Variants in PFDN4 observed in about 807,000 individuals in gnomAD.
The protein encoded by PFDN4 is prefoldin subunit 4.
In PFDN4, 6 loss-of-function variants were observed where a neutral mutation model predicts 17.6. The ratio of observed to expected loss-of-function variants is 0.34; its 90% CI spans 0.19 to 0.67. PFDN4 has a LOEUF of 0.67. Among genes scored for constraint, PFDN4 ranks in the 30% least tolerant of loss-of-function variants. The pLI is 0.68. For synonymous variants in PFDN4, 48 were observed against 51.1 expected, an observed-to-expected ratio of 0.94 and a Z score of 0.26; for missense variants, 119 against 158.4, an observed-to-expected ratio of 0.75 and a Z score of 1.33.
chr20:54,208,585 G>A (rs2092751375), intron 1 of PFDN4: 1 of 158,682 alleles, frequency 6.3e-6, no homozygotes, highest in African/African-American at 2.4e-5. Context: ...CCAGAGATGG[G>A]GAGTCACCTG....
chr20:54,210,505 A>G (rs1247199557), intron 1 of PFDN4, among the ~76,000 whole-genome samples: 1 of 152,222 alleles, frequency 6.6e-6, no homozygotes, highest in African/African-American at 2.4e-5. Context: ...CGTATCTCTC[A>G]ACTGGTCATG....
chr20:54,209,187 C>G (rs2092752471), intron 1 of PFDN4, among the ~76,000 whole-genome samples: 1 of 152,140 alleles, frequency 6.6e-6, no homozygotes, highest in Admixed American at 6.5e-5. Context: ...AATGAGAAAA[C>G]AGGCGCGGAG....
chr20:54,211,987 G>T (rs1428019475), intron 1 of PFDN4, among the ~76,000 whole-genome samples: 1 of 152,126 alleles, frequency 6.6e-6, no homozygotes, highest in Non-Finnish European at 1.5e-5. Flanking sequence ...GAGGTTAGGA[G>T]TTCAAGACCA....
At chr20:54,208,242 G>T in intron 1 of PFDN4, 118 bp downstream of exon 1, 1 of 924,036 alleles carries the variant, frequency 1.1e-6, no homozygotes, top group South Asian at 1.9e-5. Context: ...ACCCGAGGCC[G>T]AGGCCGAGGC....
intron 3 of PFDN4, among the ~76,000 whole-genome samples, chr20:54,215,716 A>C (rs1250388457): frequency 1.3e-5 from 2 of 152,268 alleles, no homozygotes; most frequent in African/African-American, 4.8e-5. Flanking sequence ...AACCTTGCTC[A>C]AAACTAAAAG....
intron 3 of PFDN4, among the ~76,000 whole-genome samples, chr20:54,217,287 G>C (rs892025271): frequency 6.6e-6 from 1 of 152,030 alleles, no homozygotes; most frequent in African/African-American, 2.4e-5. Flanking sequence ...AAGGGGCGGC[G>C]GGGGGCGGGG....
At chr20:54,213,990 A>G (rs765390228) in intron 1 of PFDN4, among the ~76,000 whole-genome samples, 7 of 152,074 alleles carry the variant, frequency 4.6e-5, no homozygotes, top group Non-Finnish European at 1.0e-4. Context: ...ATATTTGACC[A>G]TGTAACTTTT....
chr20:54,209,981 C>G (rs188982924), intron 1 of PFDN4, among the ~76,000 whole-genome samples: 243 of 152,214 alleles, frequency 1.6e-3, no homozygotes, highest in Non-Finnish European at 2.8e-3. Context: ...AGGAAAAGTG[C>G]TTATGAAATG....
rs532788572 is a variant in PFDN4, at chr20:54,208,130, T to A, written c.24+6T>A. The A allele has an allele frequency of 3.2e-6, 5 of 1,554,398 alleles. No individual in the cohort carries two copies. On this transcript the variant is annotated splice_donor_region_variant and intron_variant, in intron 1 of 3. Coordinates refer to ENST00000371419, the MANE Select transcript of PFDN4 (RefSeq NM_002623.4). ...CGGCCACCATGAAGAAGGCGGTGAGTGGGGAGCTCGGGGCTCTGGATGCTC... is the reference window on the plus strand; with the variant it reads ...CGGCCACCATGAAGAAGGCGGTGAGAGGGGAGCTCGGGGCTCTGGATGCTC...
At chr20:54,216,802 G>A (rs111713964) in intron 3 of PFDN4, among the ~76,000 whole-genome samples, 1 of 151,922 alleles carries the variant, frequency 6.6e-6, no homozygotes, top group Non-Finnish European at 1.5e-5. Flanking sequence ...GATTACAGGC[G>A]CCCACCACCA....
At chr20:54,217,854 T>C (rs746168955) in intron 3 of PFDN4, among the ~76,000 whole-genome samples, 3 of 152,214 alleles carry the variant, frequency 2.0e-5, no homozygotes, top group Admixed American at 2.0e-4. Context: ...AAACTTAGCA[T>C]GCGTGAGAAT....
chr20:54,216,506 T>A (rs2092762646), intron 3 of PFDN4, among the ~76,000 whole-genome samples: 1 of 152,168 alleles, frequency 6.6e-6, no homozygotes, highest in Non-Finnish European at 1.5e-5. Context: ...TGGTCAAATT[T>A]TGTGATTTTT....
rs544822970 is a variant in PFDN4, at chr20:54,212,183, ACT to A, written c.25-2165_25-2164del. On this transcript the variant is annotated intron_variant, in intron 1 of 3. Transcript: ENST00000371419. ...ACTTCAGCCTGGGCGACAGAGTGAG[ACT>A]CTGTCTCACCAAAAAAAAAAAAAAA... Among the ~76,000 whole-genome samples the A allele has an allele frequency of 2.6e-3, 364 of 137,518 alleles. 3 individuals carry two copies. Among genetic ancestry groups the A allele is most frequent in the African/African-American group, 0.01 (345 of 33,470 alleles). 90.2% of individuals were successfully genotyped at this position (137,518 alleles called of 152,430 possible).
chr20:54,214,007 C>G (rs1474848336), intron 1 of PFDN4, among the ~76,000 whole-genome samples: 1 of 151,718 alleles, frequency 6.6e-6, no homozygotes, highest in Non-Finnish European at 1.5e-5. Context: ...TTTTTGTTTC[C>G]TGGGTCATCT....
rs1345597894 is a variant in PFDN4, at chr20:54,219,849, G to A, written c.*699G>A. On this transcript the variant is annotated 3_prime_UTR_variant, in exon 4 of 4. Coordinates refer to ENST00000371419, the MANE Select transcript of PFDN4 (RefSeq NM_002623.4). ...TTTAAATTTTAGATTTTATTTTAGT[G>A]CTTTGTAATTAATTGGGGTTTATAT... The A allele has an allele frequency of 7.6e-6, 3 of 396,876 alleles. No homozygotes were observed. Among genetic ancestry groups the A allele is most frequent in the African/African-American group, 2.1e-5 (1 of 48,552 alleles). The allele number at this position is 396,876 out of a possible 1,614,324, so 24.6% of individuals were successfully genotyped here.
At chr20:54,213,996 CTT>C (rs1158591475) in intron 1 of PFDN4, among the ~76,000 whole-genome samples, 3 of 151,796 alleles carry the variant, frequency 2.0e-5, no homozygotes, top group Non-Finnish European at 4.4e-5. Flanking sequence ...GACCATGTAA[CTT>C]TTTGTTTCCT....
At position 54,219,425 on chromosome 20, in the gene PFDN4, ATATTATTTAGAATATT is replaced by A; in HGVS notation, c.*277_*292del. The A allele has an allele frequency of 2.7e-6, 1 of 364,648 alleles. No homozygotes were observed. Among genetic ancestry groups the A allele is most frequent in the Non-Finnish European group, 4.8e-6 (1 of 209,304 alleles). The allele number at this position is 364,648 out of a possible 1,614,324, so 22.6% of individuals were successfully genotyped here. On this transcript the variant is annotated 3_prime_UTR_variant, in exon 4 of 4. Coordinates refer to ENST00000371419, the MANE Select transcript of PFDN4 (RefSeq NM_002623.4). ...CAGTTAAGCAATCTTTTATGTTTCT[ATATTATTTAGAATATT>A]TGTTGTTGCAATTTTCACATAAGAA...
rs6023039 is a variant in PFDN4 at position 54,212,283 on chromosome 20, G to T, written c.25-2068G>T. On this transcript the variant is annotated intron_variant, in intron 1 of 3. Transcript: ENST00000371419. ...CTAGGACAGTGAGACTAAAACAGAA[G>T]CCTCTGTTAGCCATCAAAGGCACTG... is the stretch of plus-strand genomic sequence containing the variant. 4.8e-3 allele frequency among the ~76,000 whole-genome samples: 728 copies of T among 152,206 alleles called. 7 individuals are homozygous for T. The highest frequency in any genetic ancestry group is 8.2e-3 in the Admixed American group (125 of 15,302).
At chr20:54,212,726 C>G (rs2092757637) in intron 1 of PFDN4, among the ~76,000 whole-genome samples, 1 of 152,226 alleles carries the variant, frequency 6.6e-6, no homozygotes, top group African/African-American at 2.4e-5. Flanking sequence ...GGCATATACT[C>G]TTCAGGCAAA....
Sources: gnomAD v4.1 joint callset for allele counts (sites outside exome capture counted in the v4.1 genomes callset) on GRCh38, gnomAD v4.1.1 for gene constraint, MANE v1.5 for transcripts, NCBI Gene and HGNC (gene_info 2026-07-23, HGNC 2026-07-21) for gene names.